The following RSF1 variants were observed in gnomAD, a reference collection of about 807,000 sequenced individuals.
The protein encoded by RSF1 is remodeling and spacing factor 1, also known as HBV pX-associated protein 8.
Under a neutral mutation model 145.2 loss-of-function variants are expected in RSF1, and 13 were observed. That is an observed-to-expected ratio of 0.09 (90% CI 0.06 to 0.14). The LOEUF is 0.14. Among genes scored for constraint, RSF1 ranks in the 10% least tolerant of loss-of-function variants. The pLI, the probability that RSF1 is intolerant of heterozygous loss-of-function variation, is 1.00. For synonymous variants in RSF1, 577 were observed against 592.6 expected (o/e 0.97, Z 0.38); for missense variants, 1,517 against 1,718.2 (o/e 0.88, Z 2.07).
At chr11:77,758,472 G>C (rs145192053) in intron 2 of RSF1, among the ~76,000 whole-genome samples, 1,531 of 152,204 alleles carry the variant, frequency 0.01, 12 homozygotes, top group Non-Finnish European at 0.016. Flanking sequence ...ATGTAGAAGT[G>C]GAATTGCTAG....
At chr11:77,852,955 C>A in the RSF1 span, among the ~76,000 whole-genome samples, 2 of 151,988 alleles carry the variant, frequency 1.3e-5, no homozygotes, top group African/African-American at 2.4e-5. Flanking sequence ...GATGGGTACT[C>A]GATTGCTTTC....
At chr11:77,722,972 T>A (rs958672565) in intron 5 of RSF1, among the ~76,000 whole-genome samples, 1 of 152,242 alleles carries the variant, frequency 6.6e-6, no homozygotes, top group Non-Finnish European at 1.5e-5. Context: ...CCTCTTAAAT[T>A]TCTATTATTC....
intron 2 of RSF1, among the ~76,000 whole-genome samples, chr11:77,755,036 T>C (rs1948101832): frequency 6.6e-6 from 1 of 152,106 alleles, no homozygotes; most frequent in Non-Finnish European, 1.5e-5. Context: ...TATGGTAAAA[T>C]AGGTAACCAA....
chr11:77,805,771 T>C (rs1411995724), intron 1 of RSF1, among the ~76,000 whole-genome samples: 2 of 152,356 alleles, frequency 1.3e-5, no homozygotes, highest in South Asian at 2.1e-4. Context: ...GTGCTTCAAA[T>C]AGTACTTATA....
chr11:77,727,980 G>A (rs1040928917), intron 4 of RSF1, among the ~76,000 whole-genome samples: 1 of 152,144 alleles, frequency 6.6e-6, no homozygotes, highest in African/African-American at 2.4e-5. Context: ...TTAGTCAGAG[G>A]AAATTTTTAT....
the RSF1 span, among the ~76,000 whole-genome samples, chr11:77,846,523 G>A: frequency 2.0e-5 from 3 of 152,082 alleles, no homozygotes; most frequent in South Asian, 2.1e-4. Flanking sequence ...CCTGACCAAC[G>A]TGGAGAAACC....
chr11:77,708,447 CA>C (rs1320948710), intron 5 of RSF1, among the ~76,000 whole-genome samples: 3 of 151,988 alleles, frequency 2.0e-5, no homozygotes, highest in Admixed American at 2.0e-4. Flanking sequence ...TCCCCCAAAT[CA>C]AAAAAAGCCA....
At chr11:77,747,662 G>A (rs116946373) in intron 2 of RSF1, among the ~76,000 whole-genome samples, 14 of 152,154 alleles carry the variant, frequency 9.2e-5, no homozygotes, top group Admixed American at 7.2e-4. Context: ...TTCTACACAA[G>A]CATTTCAGGC....
intron 5 of RSF1, among the ~76,000 whole-genome samples, chr11:77,712,829 A>G (rs1960719261): frequency 6.6e-6 from 1 of 152,140 alleles, no homozygotes; most frequent in Non-Finnish European, 1.5e-5. Flanking sequence ...ATCTATCTTT[A>G]TATATTTTGT....
chr11:77,844,078 G>C, the RSF1 span, among the ~76,000 whole-genome samples: 31 of 152,186 alleles, frequency 2.0e-4, no homozygotes, highest in African/African-American at 7.2e-4. Flanking sequence ...TCTAAGATGA[G>C]ATTTGGGTGG....
chr11:77,716,342 T>G, intron 5 of RSF1, among the ~76,000 whole-genome samples: 1 of 152,122 alleles, frequency 6.6e-6, no homozygotes, highest in Non-Finnish European at 1.5e-5. Context: ...CCAGCATTAA[T>G]CACAATAGGC....
chr11:77,735,735 ATTTTCTT>A (rs1961333043), intron 4 of RSF1, among the ~76,000 whole-genome samples: 1 of 151,948 alleles, frequency 6.6e-6, no homozygotes, highest in African/African-American at 2.4e-5. Context: ...TTATCACTTA[ATTTTCTT>A]TTTTCTTCTT....
chr11:77,860,912 A>ACTGT, the RSF1 span, among the ~76,000 whole-genome samples: 1 of 152,102 alleles, frequency 6.6e-6, no homozygotes, highest in Non-Finnish European at 1.5e-5. Context: ...ACTAACGTTC[A>ACTGT]CTGTCTGTTG....
intron 1 of RSF1, among the ~76,000 whole-genome samples, chr11:77,808,109 G>C (rs993810503): frequency 1.3e-5 from 2 of 152,090 alleles, no homozygotes; most frequent in African/African-American, 2.4e-5. Context: ...CAAGGCAGGC[G>C]AATCACTTGA....
the RSF1 span, chr11:77,869,806 G>A: frequency 1.2e-6 from 2 of 1,613,764 alleles, no homozygotes. Flanking sequence ...AGGGATGAGT[G>A]AGGCCTTGAA....
intron 5 of RSF1, among the ~76,000 whole-genome samples, chr11:77,724,030 T>C (rs999331430): frequency 4.6e-5 from 7 of 152,114 alleles, no homozygotes; most frequent in African/African-American, 1.7e-4. Context: ...ACAATTATCA[T>C]AGACTTAAGA....
chr11:77,765,199 CA>C (rs1467024195), intron 1 of RSF1, among the ~76,000 whole-genome samples: 1 of 151,568 alleles, frequency 6.6e-6, no homozygotes. Context: ...TGTTTATCTG[CA>C]ATAACAAATA....
intron 1 of RSF1, chr11:77,813,782 G>T: frequency 3.8e-6 from 1 of 262,160 alleles, no homozygotes; most frequent in South Asian, 4.8e-5. Flanking sequence ...CTACCACCGC[G>T]ACTTCCTCAA....
In RSF1 at chr11:77,660,903, A is replaced by G. The variant is rs1021662379; in HGVS notation, c.*6014T>C. The G allele has an allele frequency of 6.6e-6, 1 of 152,184 alleles. No individual in the cohort carries two copies. Among genetic ancestry groups the G allele is most frequent in the Admixed American group, 6.5e-5 (1 of 15,268 alleles). 9.4% of individuals were successfully genotyped at this position (152,184 alleles called of 1,614,324 possible). Reference sequence around the variant, plus strand: ...TTGTACTACAAAGGTGAGAAATTAGAATGGCAAAATTATCAGATGGGAAAA... The same window carrying G: ...TTGTACTACAAAGGTGAGAAATTAGGATGGCAAAATTATCAGATGGGAAAA... On this transcript the variant is annotated 3_prime_UTR_variant, in exon 16 of 16. Transcript: ENST00000308488.
Sources: allele counts gnomAD v4.1 joint callset (sites outside exome capture counted in the v4.1 genomes callset), GRCh38; gene constraint gnomAD v4.1.1; transcripts MANE v1.5; gene names NCBI Gene and HGNC (gene_info 2026-07-23, HGNC 2026-07-21).